APBB2: variants seen among roughly 807,000 people sequenced by gnomAD.
APBB2 encodes amyloid beta precursor protein binding family B member 2.
Under a neutral mutation model 82.5 loss-of-function variants are expected in APBB2, and 38 were observed. That is an observed-to-expected ratio of 0.46 (90% CI 0.36 to 0.60). The LOEUF (loss-of-function observed/expected upper bound fraction) is 0.60. Among genes scored for constraint, APBB2 ranks in the 20% least tolerant of loss-of-function variants. The probability of loss-of-function intolerance (pLI) is 0.00; values close to 1 mark genes in which losing one functional copy is unlikely to be tolerated. For synonymous variants in APBB2, 341 were observed against 368.2 expected (o/e 0.93, Z 0.85); for missense variants, 772 against 972.3 (o/e 0.79, Z 2.74).
intron 3 of APBB2, among the ~76,000 whole-genome samples, chr4:41,067,079 T>C (rs528825207): frequency 6.1e-4 from 93 of 152,172 alleles, no homozygotes; most frequent in Middle Eastern, 3.4e-3. Flanking sequence ...GTAGAGAACA[T>C]AGGAGAAGAA....
rs895779078 is a variant in APBB2, at chr4:40,964,132, A to T, written c.836-19059T>A. Among the ~76,000 whole-genome samples the T allele has an allele frequency of 2.4e-4, 36 of 149,488 alleles. No individual in the cohort carries two copies. In the South Asian group the frequency reaches 3.2e-3, roughly 13 times the overall value. On this transcript the variant is annotated intron_variant, in intron 6 of 17. Coordinates refer to ENST00000508593, the MANE Select transcript of APBB2 (RefSeq NM_004307.2). ...TTCTGCTTCCATGACTAACTCATTT[A>T]AAAAAAAAATAAATTCTGCTCTGCT...
intron 12 of APBB2, among the ~76,000 whole-genome samples, chr4:40,833,837 C>A (rs2465580): frequency 0.6 from 91,501 of 152,054 alleles, 28,555 homozygotes; most frequent in African/African-American, 0.68. Flanking sequence ...CAGGCCCCAG[C>A]GTGCAACATC....
In APBB2 at chr4:40,811,888, G is replaced by GAT. The variant is rs1033165354; in HGVS notation, c.*4202_*4203dup. On this transcript the variant is annotated 3_prime_UTR_variant, in exon 18 of 18. Coordinates refer to ENST00000508593, the MANE Select transcript of APBB2 (RefSeq NM_004307.2). ...CAGTTAAGCTAAACCAGATTCAACT[G>GAT]ATTTCTCTAGTTACCTTTCATTTTG... 2.6e-5 allele frequency: 4 copies of GAT among 152,156 alleles called. No individual in the cohort carries two copies. Among genetic ancestry groups the GAT allele is most frequent in the African/African-American group, 9.7e-5 (4 of 41,430 alleles). The allele number at this position is 152,156 out of a possible 1,614,324, so 9.4% of individuals were successfully genotyped here.
chr4:41,082,567 CT>C (rs74266115), intron 3 of APBB2, among the ~76,000 whole-genome samples: 146 of 110,390 alleles, frequency 1.3e-3, no homozygotes, highest in Non-Finnish European at 1.6e-3. Context: ...AGTTATGTTT[CT>C]TTTTTTTTTT....
chr4:41,074,594 A>ATATTAT (rs200636926), intron 3 of APBB2, among the ~76,000 whole-genome samples: 16 of 140,418 alleles, frequency 1.1e-4, no homozygotes, highest in South Asian at 4.8e-4. Context: ...ATGAAGGCAA[A>ATATTAT]TATTATTATT....
chr4:40,872,452 T>C (rs961931915), intron 12 of APBB2, among the ~76,000 whole-genome samples: 3 of 152,184 alleles, frequency 2.0e-5, no homozygotes, highest in Non-Finnish European at 4.4e-5. Context: ...TAGAAAGTGC[T>C]TCATGGGACT....
At chr4:41,193,439 C>A in intron 1 of APBB2, 1 of 280,702 alleles carries the variant, frequency 3.6e-6, no homozygotes, top group Non-Finnish European at 5.4e-6. Context: ...TGTCCAAGGT[C>A]ACAGCTGGTG....
chr4:41,207,698 G>A (rs1778309705), intron 1 of APBB2: 2 of 152,092 alleles, frequency 1.3e-5, no homozygotes, highest in South Asian at 4.1e-4. Context: ...CTAGGACCTT[G>A]GGTGACTCTA....
intron 1 of APBB2, among the ~76,000 whole-genome samples, chr4:41,180,010 T>A (rs2154061996): frequency 6.6e-6 from 1 of 152,360 alleles, no homozygotes; most frequent in East Asian, 1.9e-4. Context: ...CTTCTCTTTC[T>A]TTCATACTTA....
At chr4:40,943,177 T>C (rs989716966) in intron 7 of APBB2, among the ~76,000 whole-genome samples, 2 of 152,224 alleles carry the variant, frequency 1.3e-5, no homozygotes, top group African/African-American at 4.8e-5. Context: ...TCAGGAACTC[T>C]GAGCTCTAGG....
chr4:40,960,447 G>T (rs9685603), intron 6 of APBB2, among the ~76,000 whole-genome samples: 137,788 of 138,962 alleles, frequency 0.99, 68,321 homozygotes, highest in Middle Eastern at 1. Flanking sequence ...TTTTTTTCGG[G>T]TTTTTTTTTT....
chr4:40,827,056 GAA>G, intron 14 of APBB2, 74 bp downstream of exon 14: 1 of 1,337,720 alleles, frequency 7.5e-7, no homozygotes. Context: ...AAATACCAGA[GAA>G]CCATCTGAGA....
chr4:41,072,993 T>C (rs1382725576), intron 3 of APBB2, among the ~76,000 whole-genome samples: 3 of 152,204 alleles, frequency 2.0e-5, no homozygotes, highest in Admixed American at 6.5e-5. Flanking sequence ...GATCTACAAA[T>C]ACGAATTACA....
chr4:40,906,947 C>T (rs751745180), intron 10 of APBB2, among the ~76,000 whole-genome samples: 16 of 151,962 alleles, frequency 1.1e-4, no homozygotes, highest in Admixed American at 3.3e-4. Context: ...TATGTGCACA[C>T]GGGTATATAT....
chr4:40,868,544 G>C (rs918773625), intron 12 of APBB2, among the ~76,000 whole-genome samples: 1 of 152,222 alleles, frequency 6.6e-6, no homozygotes, highest in South Asian at 2.1e-4. Context: ...TTAGCCAGAA[G>C]TAAAGGCTGG....
At chr4:40,940,863 C>T (rs556862037) in intron 7 of APBB2, among the ~76,000 whole-genome samples, 1 of 152,322 alleles carries the variant, frequency 6.6e-6, no homozygotes, top group Admixed American at 6.5e-5. Flanking sequence ...CTCTAAAATT[C>T]AATATCCAAG....
chr4:41,051,160 C>T (rs1392953655), intron 4 of APBB2, among the ~76,000 whole-genome samples: 2 of 152,184 alleles, frequency 1.3e-5, no homozygotes, highest in Non-Finnish European at 2.9e-5. Flanking sequence ...TGCAGACACA[C>T]ACCCATCCCC....
At chr4:40,821,647 G>A (rs1021620591) in intron 17 of APBB2, among the ~76,000 whole-genome samples, 20 of 152,148 alleles carry the variant, frequency 1.3e-4, no homozygotes, top group African/African-American at 4.6e-4. Context: ...GAAACTCATC[G>A]GAGCCTCTAT....
chr4:40,844,114 A>T (rs1003852624), intron 12 of APBB2, among the ~76,000 whole-genome samples: 12 of 151,132 alleles, frequency 7.9e-5, no homozygotes, highest in Non-Finnish European at 1.3e-4. Flanking sequence ...GGTGGCTAAA[A>T]ATTCCTAAGA....
Sources: allele counts gnomAD v4.1 joint callset (sites outside exome capture counted in the v4.1 genomes callset), GRCh38; gene constraint gnomAD v4.1.1; transcripts MANE v1.5; gene names NCBI Gene and HGNC (gene_info 2026-07-23, HGNC 2026-07-21).